The following BBS9 variants were observed in gnomAD, a reference collection of about 807,000 sequenced individuals.
The protein encoded by BBS9 is protein PTHB1.
In BBS9, 89 loss-of-function variants were observed where a neutral mutation model predicts 117.7. The ratio of observed to expected loss-of-function variants is 0.76; its 90% CI spans 0.64 to 0.90. The LOEUF is 0.90. Ranked by LOEUF, BBS9 falls within the 40% of genes least tolerant of loss-of-function variation. The pLI is 0.00. For missense variants in BBS9, 982 were observed against 1,042.2 expected (o/e 0.94, Z 0.80); for synonymous variants, 379 against 370.9 (o/e 1.02, Z -0.25).
At chr7:33,131,557 T>C (rs1789614027) in intron 1 of BBS9, among the ~76,000 whole-genome samples, 1 of 152,218 alleles carries the variant, frequency 6.6e-6, no homozygotes, top group Non-Finnish European at 1.5e-5. Context: ...TTAAATTTGG[T>C]GTGACACTGG....
chr7:33,614,396 T>C (rs1253818898), intron 21 of BBS9, among the ~76,000 whole-genome samples: 2 of 152,064 alleles, frequency 1.3e-5, no homozygotes, highest in South Asian at 2.1e-4. Context: ...TATGTATACA[T>C]ACATTTTTAA....
At position 33,595,497 on chromosome 7, in the gene BBS9, A is replaced by T. The variant is rs532612321; in HGVS notation, c.2522-9368A>T. ...AAACTACAATGAGATACCATCTTACACCAGTCAGAATGGCAATTATTAAAA... is the reference window on the plus strand; with the variant it reads ...AAACTACAATGAGATACCATCTTACTCCAGTCAGAATGGCAATTATTAAAA... On this transcript the variant is annotated intron_variant, in intron 21 of 22. Coordinates refer to ENST00000242067, the MANE Select transcript of BBS9 (RefSeq NM_198428.3). 2.0e-5 allele frequency among the ~76,000 whole-genome samples: 3 copies of T among 152,294 alleles called. No homozygotes were observed. The East Asian group carries it at 5.8e-4, about 29-fold the overall frequency.
Position 33,367,025 on chromosome 7 carries a change from T to C in BBS9, c.1694-742T>C, listed in dbSNP as rs1327568198. On this transcript the variant is annotated intron_variant, in intron 16 of 22. Transcript: ENST00000242067. ...TGTGTGATGGTAACAGCCATTGATA[T>C]CCAATGCTGAGATCCATTAGTTCAC... 2.0e-5 allele frequency among the ~76,000 whole-genome samples: 3 copies of C among 152,198 alleles called. No homozygotes were observed. In the South Asian group the frequency reaches 6.2e-4, roughly 31 times the overall value.
intron 15 of BBS9, among the ~76,000 whole-genome samples, chr7:33,356,149 A>G (rs1194015072): frequency 6.6e-6 from 1 of 151,830 alleles, no homozygotes; most frequent in Non-Finnish European, 1.5e-5. Context: ...TTCTTTCCAG[A>G]CTGTATCTAT....
chr7:33,367,727 C>T (rs1246428982), intron 16 of BBS9, 40 bp from the exon 17 acceptor site: 8 of 1,582,606 alleles, frequency 5.1e-6, no homozygotes, highest in Non-Finnish European at 6.9e-6. Flanking sequence ...TTCATTTTGC[C>T]TTCTGGTTAC....
At chr7:33,285,323 G>A (rs1314768265) in intron 9 of BBS9, among the ~76,000 whole-genome samples, 1 of 152,114 alleles carries the variant, frequency 6.6e-6, no homozygotes, top group African/African-American at 2.4e-5. Flanking sequence ...ATCAAAAGAG[G>A]AGAGCTTTGG....
intron 21 of BBS9, among the ~76,000 whole-genome samples, chr7:33,578,837 G>A (rs1859389666): frequency 6.6e-6 from 1 of 152,108 alleles, no homozygotes; most frequent in African/African-American, 2.4e-5. Flanking sequence ...AAAGGACAAT[G>A]GTGTAGTTTT....
intron 7 of BBS9, among the ~76,000 whole-genome samples, chr7:33,271,025 C>G (rs1799703626): frequency 2.0e-5 from 3 of 152,236 alleles, no homozygotes; most frequent in East Asian, 3.9e-4. Context: ...CGGCAGAAAC[C>G]CTACAAGCCA....
chr7:33,396,529 T>G (rs12672071), intron 19 of BBS9, among the ~76,000 whole-genome samples: 4,298 of 152,274 alleles, frequency 0.028, 243 homozygotes, highest in East Asian at 0.26. Context: ...TATTATAATT[T>G]GTTGAATGCA....
At chr7:33,543,987 G>A (rs768135364) in intron 21 of BBS9, among the ~76,000 whole-genome samples, 33 of 152,148 alleles carry the variant, frequency 2.2e-4, no homozygotes, top group African/African-American at 5.3e-4. Flanking sequence ...ATTCAGTTCT[G>A]TTTCTGAGAC....
chr7:33,331,415 G>A (rs1375011126), intron 9 of BBS9, among the ~76,000 whole-genome samples: 1 of 152,082 alleles, frequency 6.6e-6, no homozygotes, highest in East Asian at 1.9e-4. Flanking sequence ...GGAAGTCCTA[G>A]CCAGAGCAAT....
chr7:33,316,278 G>A (rs1011328099), intron 9 of BBS9, among the ~76,000 whole-genome samples: 1 of 152,106 alleles, frequency 6.6e-6, no homozygotes, highest in African/African-American at 2.4e-5. Flanking sequence ...CATCTGTGTT[G>A]TTGCATGTAA....
At chr7:33,208,109 C>T (rs1359785335) in intron 5 of BBS9, among the ~76,000 whole-genome samples, 1 of 152,044 alleles carries the variant, frequency 6.6e-6, no homozygotes, top group African/African-American at 2.4e-5. Flanking sequence ...ATGCCCAGCC[C>T]ATAGAAATAA....
chr7:33,432,399 G>A (rs560423477), intron 19 of BBS9, among the ~76,000 whole-genome samples: 29 of 151,438 alleles, frequency 1.9e-4, no homozygotes, highest in Non-Finnish European at 3.2e-4. Context: ...ATGAGCCACC[G>A]CGCCCAGCTG....
At chr7:33,172,157 G>T (rs530530616) in intron 4 of BBS9, among the ~76,000 whole-genome samples, 1 of 152,046 alleles carries the variant, frequency 6.6e-6, no homozygotes, top group South Asian at 2.1e-4. Flanking sequence ...GAGGTGGGCC[G>T]ATCATGAAGT....
intron 19 of BBS9, among the ~76,000 whole-genome samples, chr7:33,407,368 CT>C (rs1183907949): frequency 1.3e-5 from 2 of 152,128 alleles, no homozygotes; most frequent in East Asian, 3.8e-4. Flanking sequence ...ACTTCTTTGC[CT>C]TTGGTTTGAA....
At chr7:33,427,766 G>A (rs988182603) in intron 19 of BBS9, among the ~76,000 whole-genome samples, 8 of 152,212 alleles carry the variant, frequency 5.3e-5, no homozygotes, top group African/African-American at 1.7e-4. Context: ...GATGCTCTTC[G>A]AGGTGGTTCT....
intron 19 of BBS9, among the ~76,000 whole-genome samples, chr7:33,459,370 G>A (rs1444934804): frequency 6.6e-6 from 1 of 151,730 alleles, no homozygotes; most frequent in Non-Finnish European, 1.5e-5. Context: ...AGAAGGGAGA[G>A]GATACCATTG....
chr7:33,560,324 AACTT>A (rs59307903), intron 21 of BBS9, among the ~76,000 whole-genome samples: 4,806 of 152,244 alleles, frequency 0.032, 92 homozygotes, highest in African/African-American at 0.059. Flanking sequence ...AAGATAACCA[AACTT>A]ACTTTAGTCT....
Sources: gnomAD v4.1 joint callset for allele counts (sites outside exome capture counted in the v4.1 genomes callset) on GRCh38, gnomAD v4.1.1 for gene constraint, MANE v1.5 for transcripts, NCBI Gene and HGNC (gene_info 2026-07-23, HGNC 2026-07-21) for gene names.